CC2D2A: variants seen among roughly 807,000 people sequenced by gnomAD.
CC2D2A encodes the protein coiled-coil and C2 domain-containing protein 2A.
A neutral mutation model predicts 212.9 loss-of-function variants in CC2D2A; 155 were observed. The observed-to-expected ratio is 0.73, with a 90% CI of 0.64 to 0.83. The LOEUF (loss-of-function observed/expected upper bound fraction) is 0.83. Among genes scored for constraint, CC2D2A ranks in the 40% least tolerant of loss-of-function variants. CC2D2A has a pLI of 0.00. For missense variants in CC2D2A, 1,856 were observed against 1,956.2 expected (o/e 0.95, Z 0.97); for synonymous variants, 667 against 686.5 (o/e 0.97, Z 0.44).
intron 3 of CC2D2A, among the ~76,000 whole-genome samples, chr4:15,480,415 T>C (rs1006216443): frequency 2.6e-5 from 4 of 152,210 alleles, no homozygotes; most frequent in African/African-American, 9.7e-5. Flanking sequence ...CCTGTTTCTC[T>C]TTCCTCCAAA....
At chr4:15,553,745 C>G (rs1365316718) in intron 19 of CC2D2A, among the ~76,000 whole-genome samples, 3 of 152,166 alleles carry the variant, frequency 2.0e-5, no homozygotes, top group Non-Finnish European at 4.4e-5. Context: ...CCTTGAGTCT[C>G]TACTCAGAAC....
intron 4 of CC2D2A, among the ~76,000 whole-genome samples, chr4:15,500,107 G>GTATATA (rs55743422): frequency 4.4e-5 from 5 of 112,930 alleles, no homozygotes; most frequent in African/African-American, 7.3e-5. Context: ...GTGTGTGTGT[G>GTATATA]TATATATATA....
intron 1 of CC2D2A, among the ~76,000 whole-genome samples, chr4:15,470,649 ATCTCTCTCTCTCTCTCTCTC>A (rs56039505): frequency 1.0e-5 from 1 of 98,580 alleles, no homozygotes; most frequent in Non-Finnish European, 1.8e-5. Flanking sequence ...CCAGCATGAA[ATCTCTCTCTCTCTCTCTCTC>A]TCTCTCTCTC....
intron 29 of CC2D2A, among the ~76,000 whole-genome samples, chr4:15,578,811 TG>T (rs201206939): frequency 0.035 from 4,569 of 130,882 alleles, 95 homozygotes; most frequent in East Asian, 0.055. Context: ...TTTGTTTGTT[TG>T]TTTGTTTTTA....
Position 15,567,418 on chromosome 4 carries a change from A to T in CC2D2A, c.3224A>T (p.Glu1075Val). 1 of 1,613,638 alleles carries T rather than the reference A, an allele frequency of 6.2e-7. No individual in the cohort carries two copies. The highest frequency in any genetic ancestry group is 8.5e-7 in the Non-Finnish European group (1 of 1,179,696). Residue 1075 changes from glutamate to valine, a missense_variant, in exon 25 of 37, where the codon GAA becomes GTA. Transcript: ENST00000424120. The part of the protein sequence containing the change: ...QPSRSSRMFS[E>V]KHAASPSTYS... The stretch of plus-strand genomic sequence containing the variant: ...TCGAGGTCTTCAAGGATGTTCAGTG[A>T]AAAGCATGCTGCTTCCCCAAGCACG...
chr4:15,525,749 T>C (rs966858737), intron 11 of CC2D2A, among the ~76,000 whole-genome samples: 15 of 152,208 alleles, frequency 9.9e-5, no homozygotes, highest in African/African-American at 3.6e-4. Context: ...AGGGAACAGA[T>C]ACAACAAAGA....
rs576580119 is a variant in CC2D2A, at chr4:15,527,475, A to T, written c.1178A>T (p.His393Leu). The change falls in exon 12 of 37, where the codon CAT (histidine) becomes CTT (leucine). Residue 393 changes from histidine (H) to leucine (L), a missense_variant. By Grantham distance (99) the His-to-Leu change is moderately conservative. Around this residue, in one of 5 missense-constraint regions of CC2D2A, gnomAD observed 1,512 missense variants for 1,579.3 expected, o/e 0.96. Transcript: ENST00000424120. ...KAVKYVHSSQ[H>L]VIRSGDPPGN... ...GTAAAATACGTTCACAGTAGTCAGC[A>T]TGTGATCAGATCTGGAGACCCTCCT... 6.2e-7 allele frequency: 1 copy of T among 1,613,542 alleles called. No individual in the cohort carries two copies. Among genetic ancestry groups the T allele is most frequent in the Admixed American group, 1.7e-5 (1 of 59,982 alleles).
intron 1 of CC2D2A, among the ~76,000 whole-genome samples, chr4:15,474,111 G>A (rs1244358095): frequency 1.3e-5 from 2 of 152,184 alleles, no homozygotes; most frequent in African/African-American, 4.8e-5. Flanking sequence ...AAAACAGGCA[G>A]AGCTAAGCCC....
intron 17 of CC2D2A, among the ~76,000 whole-genome samples, chr4:15,546,591 G>A (rs1286317036): frequency 2.6e-5 from 4 of 152,208 alleles, no homozygotes; most frequent in African/African-American, 7.2e-5. Flanking sequence ...CATGTTTGGA[G>A]AAGTGTCCTT....
chr4:15,558,111 G>T (rs1719382311), intron 21 of CC2D2A, among the ~76,000 whole-genome samples: 1 of 152,214 alleles, frequency 6.6e-6, no homozygotes. Context: ...TAACAGGCCT[G>T]TGTAGGTGGG....
At chr4:15,472,169 C>G (rs534565170) in intron 1 of CC2D2A, among the ~76,000 whole-genome samples, 100 of 152,262 alleles carry the variant, frequency 6.6e-4, no homozygotes, top group Non-Finnish European at 1.1e-3. Context: ...GTCTTGGGAT[C>G]AAGTTCTGAA....
rs1157984276 is a variant in CC2D2A at position 15,511,326 on chromosome 4, A to C, written c.620A>C (p.Glu207Ala). The C allele has an allele frequency of 6.2e-7, 1 of 1,601,966 alleles. No homozygotes were observed. The highest frequency in any genetic ancestry group is 8.5e-7 in the Non-Finnish European group (1 of 1,175,882). The part of the protein sequence containing the change: ...FNFDPEPEGS[E>A]EKPKARHRAG... Reference sequence around the variant, plus strand: ...TTTGATCCCGAACCAGAAGGATCAGAGGAAAAACCAAAAGCAAGACATAGA... The same window carrying C: ...TTTGATCCCGAACCAGAAGGATCAGCGGAAAAACCAAAAGCAAGACATAGA... The change falls in exon 8 of 37, where the codon GAG becomes GCG. Residue 207 changes from glutamate to alanine, a missense_variant. This residue lies in a region of CC2D2A where 1,512 missense variants were observed against 1,579.3 expected (regional missense o/e 0.96). Coordinates refer to ENST00000424120, the MANE Select transcript of CC2D2A (RefSeq NM_001378615.1).
At chr4:15,593,171 T>C (rs530711892) in intron 33 of CC2D2A, among the ~76,000 whole-genome samples, 3 of 152,330 alleles carry the variant, frequency 2.0e-5, no homozygotes, top group East Asian at 3.9e-4. Context: ...CTTCACTGCA[T>C]ACAGATTTAA....
intron 11 of CC2D2A, chr4:15,519,595 A>G (rs1263464337): frequency 6.9e-6 from 3 of 437,198 alleles, no homozygotes; most frequent in Non-Finnish European, 1.4e-5. Flanking sequence ...TTTACAAAAG[A>G]AAGAGGTTTA....
intron 33 of CC2D2A, among the ~76,000 whole-genome samples, chr4:15,590,660 T>C (rs1034723886): frequency 3.3e-5 from 5 of 152,242 alleles, no homozygotes; most frequent in African/African-American, 9.6e-5. Flanking sequence ...GTCACTACTT[T>C]ATAGAATAGT....
At chr4:15,563,554 T>C (rs1030108451) in intron 24 of CC2D2A, 32 bp downstream of exon 24, 17 of 1,602,356 alleles carry the variant, frequency 1.1e-5, no homozygotes, top group Non-Finnish European at 1.4e-5. Flanking sequence ...CGAGATGCAG[T>C]GTGCAGCATC....
intron 4 of CC2D2A, among the ~76,000 whole-genome samples, chr4:15,483,342 G>A (rs1406887986): frequency 6.6e-6 from 1 of 152,176 alleles, no homozygotes; most frequent in South Asian, 2.1e-4. Flanking sequence ...GGAACTGTAG[G>A]GTGAGGAGGA....
intron 4 of CC2D2A, among the ~76,000 whole-genome samples, chr4:15,500,494 C>T (rs1715885626): frequency 1.3e-5 from 2 of 152,142 alleles, no homozygotes; most frequent in Non-Finnish European, 2.9e-5. Context: ...AATGGAGATT[C>T]TCTTAAAGAA....
intron 24 of CC2D2A, among the ~76,000 whole-genome samples, chr4:15,566,137 G>C: frequency 6.6e-6 from 1 of 152,178 alleles, no homozygotes; most frequent in East Asian, 1.9e-4. Context: ...TTAGGGTGAT[G>C]GTGGAGGTAT....
Sources: gnomAD v4.1 joint callset for allele counts (sites outside exome capture counted in the v4.1 genomes callset) on GRCh38, gnomAD v4.1.1 for gene constraint, gnomAD v4.1.1 regional missense constraint, MANE v1.5 for transcripts, NCBI Gene and HGNC (gene_info 2026-07-23, HGNC 2026-07-21) for gene names.